QPCT: variants seen among roughly 807,000 people sequenced by gnomAD.
QPCT encodes glutaminyl-peptide cyclotransferase, also known as EC.
In QPCT, 44 loss-of-function variants were observed where a neutral mutation model predicts 43.4. The ratio of observed to expected loss-of-function variants is 1.01; its 90% CI spans 0.80 to 1.30. The LOEUF (loss-of-function observed/expected upper bound fraction) is 1.30, where lower values mean the gene tolerates loss of function less well. Ranked by LOEUF, QPCT falls within the 50% of genes most tolerant of loss-of-function variation. QPCT has a pLI of 0.00. For synonymous variants in QPCT, 168 were observed against 168.4 expected, an observed-to-expected ratio of 1.00 and a Z score of 0.02; for missense variants, 526 against 436.5, an observed-to-expected ratio of 1.21 and a Z score of -1.83.
chr2:37,358,976 G>A (rs1672806339), intron 2 of QPCT: 1 of 152,626 alleles, frequency 6.6e-6, no homozygotes, highest in Non-Finnish European at 1.5e-5. Flanking sequence ...GACAGAAAGA[G>A]CTACCATTTG....
At chr2:37,371,830 A>T (rs1188374062) in intron 5 of QPCT, among the ~76,000 whole-genome samples, 2 of 152,158 alleles carry the variant, frequency 1.3e-5, no homozygotes, top group African/African-American at 4.8e-5. Context: ...ACACGTTCCT[A>T]GGTGTTGCTG....
intron 1 of QPCT, among the ~76,000 whole-genome samples, chr2:37,345,116 G>T (rs1447039355): frequency 6.6e-6 from 1 of 152,194 alleles, no homozygotes; most frequent in East Asian, 1.9e-4. Context: ...TCTGATGGGG[G>T]TGCTGATAGG....
At chr2:37,367,131 C>A in intron 3 of QPCT, 101 bp from the exon 4 acceptor site, 1 of 1,323,828 alleles carries the variant, frequency 7.6e-7, no homozygotes, top group Non-Finnish European at 1.0e-6. Flanking sequence ...ATCTTCCTTT[C>A]TTTATGGCAC....
At chr2:37,357,295 T>A (rs1026167952) in intron 2 of QPCT, among the ~76,000 whole-genome samples, 3 of 149,562 alleles carry the variant, frequency 2.0e-5, no homozygotes, top group African/African-American at 7.7e-5. Flanking sequence ...TTTTTTTTTT[T>A]AAATGACCCA....
At chr2:37,363,304 C>A (rs937591235) in intron 3 of QPCT, among the ~76,000 whole-genome samples, 9 of 151,966 alleles carry the variant, frequency 5.9e-5, no homozygotes, top group African/African-American at 1.9e-4. Flanking sequence ...CAAAGGATGA[C>A]CAGACATTTG....
intron 5 of QPCT, among the ~76,000 whole-genome samples, chr2:37,370,709 G>T (rs1333057088): frequency 6.6e-6 from 1 of 152,190 alleles, no homozygotes; most frequent in African/African-American, 2.4e-5. Context: ...GCCAGACCAG[G>T]TCAGGTCAGG....
At chr2:37,353,095 T>C (rs762332056) in intron 2 of QPCT, among the ~76,000 whole-genome samples, 160 bp downstream of exon 2, 4 of 152,224 alleles carry the variant, frequency 2.6e-5, no homozygotes, top group African/African-American at 9.7e-5. Context: ...TGAGAGTACA[T>C]GTCTGTTCTG....
In QPCT at chr2:37,347,894, A is replaced by G. The variant is rs116284440; in HGVS notation, c.120+3043A>G. Among the ~76,000 whole-genome samples, 140 of 152,334 alleles carry G rather than the reference A, an allele frequency of 9.2e-4. 1 individual carries two copies. Among genetic ancestry groups the G allele is most frequent in the African/African-American group, 3.2e-3 (133 of 41,572 alleles). ...AACTAAAAAGTCTGCCTTCTATTGA[A>G]GTCTTCTAATTATAAAGTTGACATG... On this transcript the variant is annotated intron_variant, in intron 1 of 6. Coordinates refer to ENST00000338415, the MANE Select transcript of QPCT (RefSeq NM_012413.4).
intron 5 of QPCT, among the ~76,000 whole-genome samples, chr2:37,371,736 G>C (rs1281773158): frequency 6.6e-6 from 1 of 152,108 alleles, no homozygotes; most frequent in East Asian, 1.9e-4. Flanking sequence ...GAATCACCTG[G>C]AGGGCTTCTT....
intron 3 of QPCT, among the ~76,000 whole-genome samples, chr2:37,365,414 A>G (rs1185857050): frequency 1.3e-5 from 2 of 152,228 alleles, no homozygotes; most frequent in Non-Finnish European, 2.9e-5. Flanking sequence ...GTGTCTTGAC[A>G]AGAGCAGTTT....
At chr2:37,371,057 A>G (rs565878662) in intron 5 of QPCT, among the ~76,000 whole-genome samples, 2 of 152,318 alleles carry the variant, frequency 1.3e-5, no homozygotes, top group South Asian at 2.1e-4. Context: ...TTTGTCTAGA[A>G]TCTTAGAGAA....
At chr2:37,359,470 G>T (rs995388620) in intron 2 of QPCT, 110 bp from the exon 3 acceptor site, 1 of 950,022 alleles carries the variant, frequency 1.1e-6, no homozygotes, top group Non-Finnish European at 1.6e-6. Flanking sequence ...TTCATTAAGT[G>T]TGTATTCCAA....
chr2:37,345,651 T>C (rs1672471098), intron 1 of QPCT, among the ~76,000 whole-genome samples: 2 of 151,904 alleles, frequency 1.3e-5, no homozygotes, highest in Non-Finnish European at 1.5e-5. Flanking sequence ...AGGGCTAACA[T>C]GGTGAAACCC....
chr2:37,369,600 T>C, intron 4 of QPCT, 85 bp from the exon 5 acceptor site: 1 of 1,010,226 alleles, frequency 9.9e-7, no homozygotes, highest in Non-Finnish European at 1.6e-6. Context: ...GAAATGCAGT[T>C]AATTTTGACT....
intron 3 of QPCT, among the ~76,000 whole-genome samples, chr2:37,365,098 A>G (rs1672935970): frequency 6.6e-6 from 1 of 150,990 alleles, no homozygotes; most frequent in Non-Finnish European, 1.5e-5. Context: ...CACACACACA[A>G]GACAACACAC....
At chr2:37,363,106 A>ATCAGATAGGAAACTGG (rs1251854787) in intron 3 of QPCT, among the ~76,000 whole-genome samples, 2 of 152,202 alleles carry the variant, frequency 1.3e-5, no homozygotes, top group Admixed American at 6.5e-5. Flanking sequence ...CCAGAAAGCC[A>ATCAGATAGGAAACTGG]TCAGATAGGA....
At chr2:37,360,235 A>G (rs1672834872) in intron 3 of QPCT, among the ~76,000 whole-genome samples, 1 of 152,172 alleles carries the variant, frequency 6.6e-6, no homozygotes, top group South Asian at 2.1e-4. Flanking sequence ...CAACCTTCTG[A>G]TCTGAGAGAT....
intron 3 of QPCT, among the ~76,000 whole-genome samples, chr2:37,363,954 G>T (rs762386592): frequency 3.9e-5 from 6 of 152,094 alleles, no homozygotes; most frequent in Non-Finnish European, 5.9e-5. Flanking sequence ...ATGACAAAAA[G>T]GAGACGATTA....
Position 37,369,715 on chromosome 2 carries a change from G to T in QPCT, c.754G>T (p.Ala252Ser), listed in dbSNP as rs1189163872. ...ATTGGTCTTATTGGATTTGATTGGA[G>T]CTCCAAACCCAACGTTTCCCAATTT... ...DLLVLLDLIGAPNPTFPNFFP... is the reference protein window; with the variant it reads ...DLLVLLDLIGSPNPTFPNFFP... Residue 252 changes from alanine to serine, a missense_variant, in exon 5 of 7, where the codon GCT becomes TCT. Ala to Ser is a moderately conservative substitution (Grantham distance 99, BLOSUM62 1). Coordinates refer to ENST00000338415, the MANE Select transcript of QPCT (RefSeq NM_012413.4). 2 of 1,607,224 alleles carry T rather than the reference G, an allele frequency of 1.2e-6. No homozygotes were observed. The highest frequency in any genetic ancestry group is 1.1e-5 in the South Asian group (1 of 90,930).
Sources: gnomAD v4.1 joint callset for allele counts (sites outside exome capture counted in the v4.1 genomes callset) on GRCh38, gnomAD v4.1.1 for gene constraint, MANE v1.5 for transcripts, NCBI Gene and HGNC (gene_info 2026-07-23, HGNC 2026-07-21) for gene names.